Variants in PDE1C observed in about 807,000 individuals in gnomAD.
The protein encoded by PDE1C is phosphodiesterase 1C, also known as dual specificity calcium/calmodulin-dependent 3',5'-cyclic nucleotide phosphodiesterase 1C.
Under a neutral mutation model 93.1 loss-of-function variants are expected in PDE1C, and 62 were observed. The ratio of observed to expected loss-of-function variants is 0.67; its 90% confidence interval spans 0.54 to 0.82. PDE1C has a LOEUF of 0.82. Among genes scored for constraint, PDE1C ranks in the 40% least tolerant of loss-of-function variants. The pLI is 0.00. For missense variants in PDE1C, 742 were observed against 884.6 expected (o/e 0.84, Z 2.04); for synonymous variants, 325 against 310.1 (o/e 1.05, Z -0.50).
chr7:31,627,457 A>C, the PDE1C span, among the ~76,000 whole-genome samples: 1 of 152,138 alleles, frequency 6.6e-6, no homozygotes, highest in African/African-American at 2.4e-5. Context: ...CAGGAGTTCA[A>C]GACCAGCCTG....
At chr7:31,667,022 G>A in the PDE1C span, among the ~76,000 whole-genome samples, 36 of 152,210 alleles carry the variant, frequency 2.4e-4, 1 homozygote, top group South Asian at 3.3e-3. Flanking sequence ...GTTCTATTAG[G>A]GATAGGAGAC....
chr7:32,128,910 T>A (rs1353098642), intron 3 of PDE1C, among the ~76,000 whole-genome samples: 1 of 18,984 alleles, frequency 5.3e-5, no homozygotes, highest in African/African-American at 2.0e-4. Flanking sequence ...ATAACAAATA[T>A]ATATATATAT....
chr7:32,208,656 G>T (rs1017235705), intron 2 of PDE1C, among the ~76,000 whole-genome samples: 15 of 152,216 alleles, frequency 9.9e-5, no homozygotes, highest in African/African-American at 3.4e-4. Context: ...TCTCCACCTG[G>T]TGCATAGTGG....
intron 2 of PDE1C, among the ~76,000 whole-genome samples, chr7:32,177,600 C>G (rs1178154320): frequency 6.6e-6 from 1 of 152,112 alleles, no homozygotes; most frequent in Non-Finnish European, 1.5e-5. Context: ...TATCCATGGG[C>G]CTTAATTACC....
chr7:32,184,104 T>C (rs75082062), intron 2 of PDE1C, among the ~76,000 whole-genome samples: 65,755 of 151,870 alleles, frequency 0.43, 15,292 homozygotes, highest in East Asian at 0.76. Context: ...TGAGATACCA[T>C]CTCACACCAG....
At chr7:32,046,981 G>C (rs1563245856) in intron 2 of PDE1C, among the ~76,000 whole-genome samples, 1 of 151,346 alleles carries the variant, frequency 6.6e-6, no homozygotes, top group Non-Finnish European at 1.5e-5. Context: ...TTTGTGGATA[G>C]GTCTTTAATT....
chr7:31,688,853 G>C, the PDE1C span, among the ~76,000 whole-genome samples: 1 of 152,152 alleles, frequency 6.6e-6, no homozygotes, highest in Admixed American at 6.5e-5. Context: ...ACAACCAGAA[G>C]AGTAATTCGA....
the PDE1C span, among the ~76,000 whole-genome samples, chr7:31,667,829 T>A: frequency 1.3e-5 from 2 of 151,542 alleles, no homozygotes; most frequent in Non-Finnish European, 2.9e-5. Flanking sequence ...AGGTGGAGGA[T>A]GAATCTGGGA....
intron 17 of PDE1C, among the ~76,000 whole-genome samples, chr7:31,759,784 C>A (rs1189820309): frequency 6.6e-6 from 1 of 152,112 alleles, no homozygotes; most frequent in Non-Finnish European, 1.5e-5. Flanking sequence ...AATTATTTTT[C>A]ATAAATATAA....
At chr7:32,004,034 G>A (rs956634639) in intron 2 of PDE1C, among the ~76,000 whole-genome samples, 5 of 152,082 alleles carry the variant, frequency 3.3e-5, no homozygotes, top group African/African-American at 7.2e-5. Context: ...TGCTCTGTAC[G>A]TGTTCATGTG....
At chr7:31,910,230 C>A (rs538840584) in intron 2 of PDE1C, among the ~76,000 whole-genome samples, 1 of 152,198 alleles carries the variant, frequency 6.6e-6, no homozygotes, top group Non-Finnish European at 1.5e-5. Flanking sequence ...TTGACTCTTA[C>A]TCTTCTCTTA....
At chr7:32,036,697 A>C (rs898273456) in intron 2 of PDE1C, among the ~76,000 whole-genome samples, 2 of 152,348 alleles carry the variant, frequency 1.3e-5, no homozygotes, top group South Asian at 4.1e-4. Context: ...TTCACTACTT[A>C]GATGAAATGA....
At chr7:31,813,779 C>G (rs1334155779) in intron 15 of PDE1C, among the ~76,000 whole-genome samples, 1 of 151,916 alleles carries the variant, frequency 6.6e-6, no homozygotes, top group East Asian at 1.9e-4. Context: ...ACGCTGAACC[C>G]AATTTGTAGT....
rs759670129 is a variant in PDE1C, at chr7:32,170,947, C to T, written c.137-991G>A. 7.2e-5 allele frequency among the ~76,000 whole-genome samples: 11 copies of T among 152,274 alleles called. No homozygotes were observed. In the South Asian group the frequency reaches 8.3e-4, roughly 11 times the overall value. ...TGGTACCAGGCAACTAGGTATTAGG[C>T]AGCCCCTAGGCTCCAGCCCCCTGAA... On this transcript the variant is annotated intron_variant, in intron 2 of 18. Coordinates refer to the PDE1C transcript ENST00000396193.
At chr7:31,738,809 A>G in the PDE1C span, among the ~76,000 whole-genome samples, 1 of 152,270 alleles carries the variant, frequency 6.6e-6, no homozygotes, top group Non-Finnish European at 1.5e-5. Flanking sequence ...CGGGGCACAG[A>G]GCACTCTCAG....
rs73092685 is a variant in PDE1C at position 31,919,093 on chromosome 7, A to G, written c.129-38233T>C. Among the ~76,000 whole-genome samples the G allele has an allele frequency of 2.6e-3, 397 of 152,378 alleles. 1 individual carries two copies. Among genetic ancestry groups the G allele is most frequent in the Non-Finnish European group, 4.6e-3 (313 of 68,036 alleles). Reference sequence around the variant, plus strand: ...AAGTTCAAATGTAAGTATCTTGCCAATTGTTTACTAACTTGTCAAGATATT... The same window carrying G: ...AAGTTCAAATGTAAGTATCTTGCCAGTTGTTTACTAACTTGTCAAGATATT... On this transcript the variant is annotated intron_variant, in intron 2 of 17. Coordinates refer to ENST00000396191, the MANE Select transcript of PDE1C (RefSeq NM_001191057.4).
At chr7:31,927,642 T>C (rs1046775832) in intron 2 of PDE1C, among the ~76,000 whole-genome samples, 2 of 152,162 alleles carry the variant, frequency 1.3e-5, no homozygotes, top group Admixed American at 1.3e-4. Context: ...CCGCTGGTGA[T>C]ACCCAGGCAA....
chr7:31,692,116 G>T, the PDE1C span, among the ~76,000 whole-genome samples: 2 of 152,160 alleles, frequency 1.3e-5, no homozygotes, highest in African/African-American at 4.8e-5. Context: ...CTTGACAATT[G>T]CTTATTCTGA....
chr7:32,303,039 G>T (rs182132767), upstream of PDE1C, among the ~76,000 whole-genome samples: 135 of 152,304 alleles, frequency 8.9e-4, no homozygotes, highest in African/African-American at 3.0e-3. Context: ...TGCTCCTTTG[G>T]CTGTAATTGA....
Sources: gnomAD v4.1 joint callset for allele counts (sites outside exome capture counted in the v4.1 genomes callset) on GRCh38, gnomAD v4.1.1 for gene constraint, MANE v1.5 for transcripts, NCBI Gene and HGNC (gene_info 2026-07-23, HGNC 2026-07-21) for gene names.